Variants in NREP observed in about 807,000 individuals in gnomAD.
NREP encodes the protein neuronal regeneration-related protein.
NREP carries 5 observed loss-of-function variants against 8.6 expected under a neutral mutation model. The ratio of observed to expected loss-of-function variants is 0.58; its 90% CI spans 0.30 to 1.22. The LOEUF (loss-of-function observed/expected upper bound fraction) is 1.22, where lower values mean the gene tolerates loss of function less well. Ranked by LOEUF, NREP falls within the 50% of genes most tolerant of loss-of-function variation. The pLI is 0.07. For synonymous variants in NREP, 27 were observed against 28.0 expected (o/e 0.96, Z 0.11); for missense variants, 86 against 82.5 (o/e 1.04, Z -0.17).
chr5:111,812,132 C>T (rs1752284021), intron 2 of NREP, among the ~76,000 whole-genome samples: 1 of 151,956 alleles, frequency 6.6e-6, no homozygotes, highest in Non-Finnish European at 1.5e-5. Context: ...TAAAAAAATA[C>T]AAAAATTATC....
intron 2 of NREP, among the ~76,000 whole-genome samples, chr5:111,958,697 C>T (rs567627618): frequency 4.6e-5 from 7 of 151,694 alleles, no homozygotes; most frequent in Non-Finnish European, 1.0e-4. Flanking sequence ...GGATAAGATT[C>T]AACATTTAAA....
chr5:111,876,001 G>C (rs767238309), intron 2 of NREP, among the ~76,000 whole-genome samples: 1 of 152,170 alleles, frequency 6.6e-6, no homozygotes, highest in Non-Finnish European at 1.5e-5. Flanking sequence ...CAAATAACTG[G>C]TTAGGGCCAG....
At chr5:111,916,544 G>A (rs757397823) in intron 2 of NREP, among the ~76,000 whole-genome samples, 2 of 152,162 alleles carry the variant, frequency 1.3e-5, no homozygotes, top group Non-Finnish European at 2.9e-5. Flanking sequence ...GTATCCGACT[G>A]TTTAAACCTG....
At chr5:111,833,812 G>A (rs1247963293) in intron 2 of NREP, among the ~76,000 whole-genome samples, 1 of 152,158 alleles carries the variant, frequency 6.6e-6, no homozygotes, top group Non-Finnish European at 1.5e-5. Context: ...TATGCGGTGG[G>A]TATTAGTGGG....
At chr5:111,935,734 T>C (rs1412172708) in intron 2 of NREP, among the ~76,000 whole-genome samples, 2 of 152,054 alleles carry the variant, frequency 1.3e-5, no homozygotes, top group South Asian at 2.1e-4. Flanking sequence ...AAATGTAAAA[T>C]GCACATCTTA....
At chr5:111,845,516 A>G (rs974266321) in intron 2 of NREP, among the ~76,000 whole-genome samples, 2 of 152,208 alleles carry the variant, frequency 1.3e-5, no homozygotes, top group Admixed American at 6.5e-5. Context: ...AGACATTTCA[A>G]TTTGTACACA....
chr5:111,775,555 C>T (rs1485882820), intron 2 of NREP, among the ~76,000 whole-genome samples: 1 of 152,206 alleles, frequency 6.6e-6, no homozygotes, highest in South Asian at 2.1e-4. Flanking sequence ...GTCTTCCTTT[C>T]AATTCTCGGG....
At chr5:111,758,496 A>G (rs1750870323), upstream of NREP, among the ~76,000 whole-genome samples, 1 of 152,164 alleles carries the variant, frequency 6.6e-6, no homozygotes. Context: ...ACTCAAATAA[A>G]CTGGTTCTGT....
chr5:111,755,981 A>G (rs1259847814), intron 1 of NREP, 151 bp from the exon 2 acceptor site: 6 of 1,429,092 alleles, frequency 4.2e-6, no homozygotes, highest in Non-Finnish European at 5.5e-6. Flanking sequence ...GATTTCTGAA[A>G]GAGCTTTCCA....
At chr5:111,921,273 G>C (rs1384365773) in intron 2 of NREP, among the ~76,000 whole-genome samples, 1 of 152,060 alleles carries the variant, frequency 6.6e-6, no homozygotes, top group African/African-American at 2.4e-5. Context: ...TGGGGAAACA[G>C]CAGCTAGCGT....
At chr5:111,792,197 G>C (rs1751765451) in intron 2 of NREP, among the ~76,000 whole-genome samples, 1 of 152,174 alleles carries the variant, frequency 6.6e-6, no homozygotes, top group African/African-American at 2.4e-5. Context: ...TATAGCCGAG[G>C]TTTTATAATG....
intron 2 of NREP, among the ~76,000 whole-genome samples, chr5:111,740,058 T>C (rs533721620): frequency 1.6e-4 from 25 of 152,244 alleles, no homozygotes; most frequent in African/African-American, 5.8e-4. Flanking sequence ...TTACTTTAAT[T>C]TGGAGAATAT....
chr5:111,807,528 T>G (rs1752168643), intron 2 of NREP, among the ~76,000 whole-genome samples: 2 of 152,128 alleles, frequency 1.3e-5, no homozygotes, highest in Non-Finnish European at 2.9e-5. Flanking sequence ...CAAGAAAATT[T>G]CTACTTTTAA....
chr5:111,841,478 G>T (rs1248112828), intron 2 of NREP, among the ~76,000 whole-genome samples: 1 of 152,134 alleles, frequency 6.6e-6, no homozygotes, highest in Non-Finnish European at 1.5e-5. Flanking sequence ...TGGACTAAAA[G>T]GTAGACCAAT....
At chr5:111,942,926 T>C (rs911681926) in intron 2 of NREP, among the ~76,000 whole-genome samples, 1 of 152,006 alleles carries the variant, frequency 6.6e-6, no homozygotes, top group African/African-American at 2.4e-5. Flanking sequence ...AAGGCTGTTT[T>C]GAAACTGAAT....
chr5:111,956,590 G>A (rs1561367464), intron 2 of NREP, among the ~76,000 whole-genome samples: 1 of 151,960 alleles, frequency 6.6e-6, no homozygotes, highest in African/African-American at 2.4e-5. Flanking sequence ...AGGAATTACA[G>A]AAAGAGTAAA....
intron 2 of NREP, among the ~76,000 whole-genome samples, chr5:111,819,590 T>C (rs1752471747): frequency 6.6e-6 from 1 of 152,240 alleles, no homozygotes; most frequent in Non-Finnish European, 1.5e-5. Context: ...AATTAGCAAA[T>C]AGTGAACCAT....
At chr5:111,762,567 A>C (rs552133965), upstream of NREP, among the ~76,000 whole-genome samples, 80 of 152,238 alleles carry the variant, frequency 5.3e-4, no homozygotes, top group African/African-American at 1.9e-3. Flanking sequence ...ATGAGGTCAT[A>C]TGGTCGGGCT....
intron 2 of NREP, among the ~76,000 whole-genome samples, chr5:111,798,967 T>C (rs1245996164): frequency 2.0e-5 from 3 of 152,230 alleles, no homozygotes; most frequent in Non-Finnish European, 4.4e-5. Context: ...GATCAAACGG[T>C]AGATCTACTT....
Sources: allele counts gnomAD v4.1 joint callset (sites outside exome capture counted in the v4.1 genomes callset), GRCh38; gene constraint gnomAD v4.1.1; transcripts MANE v1.5; gene names NCBI Gene and HGNC (gene_info 2026-07-23, HGNC 2026-07-21).